Variants in SUN3 observed in about 807,000 individuals in gnomAD.
The protein encoded by SUN3 is SUN domain-containing protein 3.
A neutral mutation model predicts 48.2 loss-of-function variants in SUN3; 36 were observed. The observed-to-expected ratio is 0.75, with a 90% CI of 0.57 to 0.99. The LOEUF (loss-of-function observed/expected upper bound fraction) is 0.99. SUN3 is among the 50% of genes least tolerant of loss of function. SUN3 has a pLI of 0.00. For synonymous variants in SUN3, 148 were observed against 147.9 expected, an observed-to-expected ratio of 1.00 and a Z score of 0.00; for missense variants, 419 against 433.1, an observed-to-expected ratio of 0.97 and a Z score of 0.29.
Position 47,987,217 on chromosome 7 carries a change from T to A in SUN3, c.*113A>T. 1 of 1,138,042 alleles carries A rather than the reference T, an allele frequency of 8.8e-7. No individual in the cohort carries two copies. Among genetic ancestry groups the A allele is most frequent in the Non-Finnish European group, 1.2e-6 (1 of 839,932 alleles). 70.5% of individuals were successfully genotyped at this position (1,138,042 alleles called of 1,614,324 possible). The stretch of plus-strand genomic sequence containing the variant: ...TTTTACAGGCAAGTATGAACCACTT[T>A]GAGGTTTTCTTCCCACTCCCAATTC... On this transcript the variant is annotated 3_prime_UTR_variant, in exon 10 of 10. Transcript: ENST00000297325.
rs1788970823 is a variant in SUN3 at position 47,988,827 on chromosome 7, A to G, written c.915T>C (p.Tyr305=). Residue 305 remains tyrosine, a synonymous_variant, in exon 9 of 10, where the codon TAT becomes TAC. Coordinates refer to ENST00000297325, the MANE Select transcript of SUN3 (RefSeq NM_001030019.2). ...TTTGAACGGTGGTTCCTGTTTTGTT[A>G]TATATAAACTGACCTAGGAAAATTT... ...GEEIFLGQFI[Y]NKTGTTVQTF... 3.7e-6 allele frequency: 6 copies of G among 1,606,864 alleles called. No individual in the cohort carries two copies. The highest frequency in any genetic ancestry group is 1.7e-5 in the Admixed American group (1 of 59,130).
chr7:48,003,364 T>G (rs879162432), intron 6 of SUN3, among the ~76,000 whole-genome samples: 1 of 152,198 alleles, frequency 6.6e-6, no homozygotes, highest in African/African-American at 2.4e-5. Flanking sequence ...GCCTCCAGCT[T>G]TGTTCTTTTT....
At chr7:47,988,069 A>AT (rs1788950203) in intron 9 of SUN3, among the ~76,000 whole-genome samples, 1 of 152,224 alleles carries the variant, frequency 6.6e-6, no homozygotes, top group Non-Finnish European at 1.5e-5. Context: ...GAAGCCAACT[A>AT]TAAGAACAGA....
chr7:47,994,295 A>T lies in SUN3; in HGVS notation c.861+20T>A, dbSNP rs1284419902. On this transcript the variant is annotated intron_variant, in intron 8 of 9. Transcript: ENST00000297325. ...CTTCTATCAGGCCAATCTGAATGACAAATTTAGATAGCTTCTTACATAGAC... is the reference window on the plus strand; with the variant it reads ...CTTCTATCAGGCCAATCTGAATGACTAATTTAGATAGCTTCTTACATAGAC... The T allele has an allele frequency of 6.2e-7, 1 of 1,611,892 alleles. No homozygotes were observed.
chr7:48,025,670 C>G (rs1762783764), intron 2 of SUN3, among the ~76,000 whole-genome samples: 1 of 152,152 alleles, frequency 6.6e-6, no homozygotes, highest in African/African-American at 2.4e-5. Flanking sequence ...AGAAAAATCT[C>G]CTTTCTAAAT....
At chr7:47,995,153 ATGG>A (rs940272051) in intron 7 of SUN3, among the ~76,000 whole-genome samples, 28 of 149,908 alleles carry the variant, frequency 1.9e-4, no homozygotes, top group South Asian at 4.3e-4. Flanking sequence ...GGTGGCAGTG[ATGG>A]TGGTGGTGGT....
chr7:47,994,456 C>T lies in SUN3; in HGVS notation c.720G>A (p.Trp240Ter). 1 of 1,604,070 alleles carries T rather than the reference C, an allele frequency of 6.2e-7. No homozygotes were observed. The highest frequency in any genetic ancestry group is 8.5e-7 in the Non-Finnish European group (1 of 1,176,968). Residue 240 changes from tryptophan to a stop codon, truncating the protein, a stop_gained, in exon 8 of 10, where the codon TGG (tryptophan) becomes TGA (stop). Coordinates refer to ENST00000297325, the MANE Select transcript of SUN3 (RefSeq NM_001030019.2). LOFTEE classifies it high-confidence loss of function. ...LQPDVYPGKCWAFPGSQGHTL... is the reference protein window; with the variant it reads ...LQPDVYPGKC ...TATGACCCTGGGAACCTGGAAAAGC[C>T]CAGCACTTTCCAGGGTAGACATCCG...
At chr7:48,016,347 C>T (rs571510049) in intron 3 of SUN3, among the ~76,000 whole-genome samples, 1 of 152,352 alleles carries the variant, frequency 6.6e-6, no homozygotes, top group Admixed American at 6.5e-5. Flanking sequence ...GTATCCCACA[C>T]ATCCGGCTCT....
intron 6 of SUN3, among the ~76,000 whole-genome samples, chr7:47,998,395 C>T (rs771130082): frequency 1.3e-5 from 2 of 152,048 alleles, no homozygotes; most frequent in Non-Finnish European, 2.9e-5. Flanking sequence ...AAACCTTTTG[C>T]CTATTTTTTA....
At chr7:48,035,575 A>G in the SUN3 span, 2 of 697,626 alleles carry the variant, frequency 2.9e-6, no homozygotes, top group South Asian at 1.5e-5. This position sits in a 1 kb window ranked among gnomAD's most constrained non-coding sequence, Gnocchi z 4.0. Context: ...CCAGCCGTGT[A>G]AAAACTCCAA....
intron 9 of SUN3, 80 bp downstream of exon 9, chr7:47,988,708 C>T (rs965291207): frequency 2.2e-5 from 17 of 785,528 alleles, no homozygotes; most frequent in African/African-American, 8.6e-5. Context: ...TATTCTCATA[C>T]GTCACTTTAC....
chr7:48,022,983 G>A (rs778217477), intron 2 of SUN3, among the ~76,000 whole-genome samples: 23 of 152,104 alleles, frequency 1.5e-4, no homozygotes, highest in Non-Finnish European at 3.1e-4. Flanking sequence ...TCTATGACTA[G>A]ACCAGCCCTT....
At chr7:47,990,610 A>G (rs1383822358) in intron 8 of SUN3, among the ~76,000 whole-genome samples, 3 of 151,840 alleles carry the variant, frequency 2.0e-5, no homozygotes. Context: ...AGAAACGCCC[A>G]CAGGTGGGGA....
At chr7:47,997,146 T>G (rs865814414) in intron 6 of SUN3, among the ~76,000 whole-genome samples, 7 of 152,176 alleles carry the variant, frequency 4.6e-5, no homozygotes, top group Non-Finnish European at 7.4e-5. Flanking sequence ...GAAATAGTAA[T>G]TGAGTTCCTA....
the SUN3 span, chr7:48,035,761 G>T: frequency 6.8e-6 from 4 of 584,212 alleles, no homozygotes; most frequent in Non-Finnish European, 1.2e-5. The surrounding 1 kb of genome is among the most constrained non-coding windows in gnomAD (Gnocchi z 4.0). Flanking sequence ...TCGCCGGGTT[G>T]GGATGAGCAC....
chr7:48,034,367 C>T, the SUN3 span, among the ~76,000 whole-genome samples: 1 of 152,124 alleles, frequency 6.6e-6, no homozygotes, highest in Non-Finnish European at 1.5e-5. Flanking sequence ...ATTTCTAAGG[C>T]TATACTCGTG....
rs112946039 is a variant in SUN3 at position 47,995,440 on chromosome 7, G to A, written c.693+591C>T. Reference sequence around the variant, plus strand: ...TACTACTTTGTAGATATAAACTACAGCCTGGAATAAGATCAGTGGGTTTTA... The same window carrying A: ...TACTACTTTGTAGATATAAACTACAACCTGGAATAAGATCAGTGGGTTTTA... On this transcript the variant is annotated intron_variant, in intron 7 of 9. Transcript: ENST00000297325. Among the ~76,000 whole-genome samples, 450 of 152,272 alleles carry A rather than the reference G, an allele frequency of 3.0e-3. 4 individuals carry two copies. Among genetic ancestry groups the A allele is most frequent in the African/African-American group, 0.01 (419 of 41,538 alleles).
the SUN3 span, among the ~76,000 whole-genome samples, chr7:48,034,669 T>C: frequency 7.2e-5 from 11 of 152,180 alleles, no homozygotes; most frequent in African/African-American, 2.4e-4. Flanking sequence ...TTGGTGTCTA[T>C]TGGCCTCACC....
rs141499201 is a variant in SUN3 at position 48,012,028 on chromosome 7, C to T, written c.289-2953G>A. ...AAGAAAATCAAAAGTGTTATAAAGGCTGCTTTGTGTATAGTTGATTATCTT... is the reference window on the plus strand; with the variant it reads ...AAGAAAATCAAAAGTGTTATAAAGGTTGCTTTGTGTATAGTTGATTATCTT... On this transcript the variant is annotated intron_variant, in intron 3 of 9. Transcript: ENST00000297325. Among the ~76,000 whole-genome samples the T allele has an allele frequency of 1.3e-4, 20 of 152,340 alleles. No homozygotes were observed. In the East Asian group the frequency reaches 3.9e-3, roughly 29 times the overall value.
Sources: allele counts gnomAD v4.1 joint callset (sites outside exome capture counted in the v4.1 genomes callset), GRCh38; gene constraint gnomAD v4.1.1; non-coding constraint Gnocchi (gnomAD v3.1); transcripts MANE v1.5; gene names NCBI Gene and HGNC (gene_info 2026-07-23, HGNC 2026-07-21).